The following NALCN variants were observed in gnomAD, a reference collection of about 807,000 sequenced individuals.
NALCN encodes the protein sodium leak channel NALCN.
NALCN carries 111 observed loss-of-function variants against 225.3 expected under a neutral mutation model. The ratio of observed to expected loss-of-function variants is 0.49; its 90% CI spans 0.42 to 0.58. The LOEUF is 0.58. Among genes scored for constraint, NALCN ranks in the 20% least tolerant of loss-of-function variants. The pLI is 0.00. For missense variants in NALCN, 1,378 were observed against 2,202.4 expected (o/e 0.63, Z 7.49); for synonymous variants, 764 against 769.0 (o/e 0.99, Z 0.11).
chr13:101,339,078 A>G (rs999034552), intron 7 of NALCN, among the ~76,000 whole-genome samples: 4 of 152,184 alleles, frequency 2.6e-5, no homozygotes, highest in African/African-American at 7.2e-5. Context: ...TATGTCTCAT[A>G]TGTTTATGAG....
chr13:101,237,267 G>C (rs1053278042), intron 12 of NALCN, among the ~76,000 whole-genome samples: 1 of 151,986 alleles, frequency 6.6e-6, no homozygotes, highest in Non-Finnish European at 1.5e-5. Context: ...AATACTGTAT[G>C]AGTAATTACA....
chr13:101,394,533 G>A (rs1285953444), intron 3 of NALCN, among the ~76,000 whole-genome samples: 1 of 152,124 alleles, frequency 6.6e-6, no homozygotes, highest in Non-Finnish European at 1.5e-5. Context: ...ATCTACATAT[G>A]TTTAACCTAT....
At chr13:101,367,804 T>C (rs902608138) in intron 6 of NALCN, among the ~76,000 whole-genome samples, 11 of 152,050 alleles carry the variant, frequency 7.2e-5, no homozygotes, top group African/African-American at 2.4e-4. Flanking sequence ...AATTTTATTT[T>C]AGGTTTCAGC....
chr13:101,315,224 A>C lies in NALCN; in HGVS notation c.800-22858T>G, dbSNP rs116343099. Among the ~76,000 whole-genome samples the C allele has an allele frequency of 6.7e-3, 1,013 of 152,322 alleles. 11 individuals are homozygous for C. The highest frequency in any genetic ancestry group is 0.023 in the African/African-American group (941 of 41,552). On this transcript the variant is annotated intron_variant, in intron 7 of 43. Transcript: ENST00000251127. ...CTTAGAAAGAAAAATTGTCAAAACG[A>C]TAAAATAATCATTAATTCTAGAAAG...
intron 11 of NALCN, among the ~76,000 whole-genome samples, chr13:101,238,635 A>C (rs372274086): frequency 7.2e-5 from 11 of 152,118 alleles, no homozygotes; most frequent in Admixed American, 5.2e-4. Context: ...AAGAATTTTC[A>C]TTTTGTAAAG....
rs746060855 is a variant in NALCN, at chr13:101,065,494, A to T, written c.4514T>A (p.Leu1505Gln). The T allele has an allele frequency of 1.2e-6, 2 of 1,614,148 alleles. No homozygotes were observed. Among genetic ancestry groups the T allele is most frequent in the Non-Finnish European group, 1.7e-6 (2 of 1,180,030 alleles). ...CTTAAACAGGAGCTTGTCCTTGTCCAGGTCCACCTCCAGCCTCCCACGCAG... is the reference window on the plus strand; with the variant it reads ...CTTAAACAGGAGCTTGTCCTTGTCCTGGTCCACCTCCAGCCTCCCACGCAG... Reference protein sequence around the residue: ...RLLRGRLEVDLDKDKLLFKHM... With the variant: ...RLLRGRLEVDQDKDKLLFKHM... Residue 1505 changes from leucine to glutamine, a missense_variant, in exon 40 of 44, where the codon CTG (leucine) becomes CAG (glutamine). By Grantham distance (113) the Leu-to-Gln change is moderately radical. Around this residue, in one of 19 missense-constraint regions of NALCN, gnomAD observed 94 missense variants for 170.3 expected, o/e 0.55. Transcript: ENST00000251127.
chr13:101,220,134 T>C (rs2040881147), intron 13 of NALCN, among the ~76,000 whole-genome samples: 1 of 152,354 alleles, frequency 6.6e-6, no homozygotes, highest in African/African-American at 2.4e-5. Flanking sequence ...CAAGACGGCC[T>C]GGACCCAAGT....
chr13:101,396,172 A>T (rs2047287045), intron 2 of NALCN, among the ~76,000 whole-genome samples: 1 of 152,132 alleles, frequency 6.6e-6, no homozygotes, highest in South Asian at 2.1e-4. Context: ...AAGAAGAAAG[A>T]ATTAAAGATA....
chr13:101,215,987 A>C (rs552437307), intron 13 of NALCN, among the ~76,000 whole-genome samples: 2 of 152,106 alleles, frequency 1.3e-5, no homozygotes, highest in Non-Finnish European at 2.9e-5. Context: ...ACAGCCCATC[A>C]TATTCACAAA....
chr13:101,287,523 T>C (rs1324934859), intron 9 of NALCN, among the ~76,000 whole-genome samples: 2 of 152,198 alleles, frequency 1.3e-5, no homozygotes, highest in Admixed American at 6.5e-5. Flanking sequence ...AGTGGAGACA[T>C]TAATAGTGCC....
chr13:101,111,266 G>C lies in NALCN; in HGVS notation c.2193-40C>G, dbSNP rs182630845. Reference sequence around the variant, plus strand: ...GGAGCCCAAGATAAATGCATGGTTTGTACACTTGAGATGAATAACACATAA... The same window carrying C: ...GGAGCCCAAGATAAATGCATGGTTTCTACACTTGAGATGAATAACACATAA... On this transcript the variant is annotated intron_variant, in intron 18 of 43. Transcript: ENST00000251127. The C allele has an allele frequency of 1.9e-3, 2,919 of 1,530,608 alleles. 8 individuals are homozygous for C. The highest frequency in any genetic ancestry group is 6.9e-3 in the Middle Eastern group (40 of 5,784). The allele number at this position is 1,530,608 out of a possible 1,614,324, so 94.8% of individuals were successfully genotyped here. A position where few individuals can be genotyped will look rare whatever the true frequency, so the allele number is the denominator to read the frequency against.
intron 6 of NALCN, among the ~76,000 whole-genome samples, chr13:101,354,683 A>G (rs1040643712): frequency 6.6e-6 from 1 of 152,206 alleles, no homozygotes; most frequent in African/African-American, 2.4e-5. Flanking sequence ...AATTTATGAA[A>G]CTGTATTATA....
At chr13:101,373,797 G>A (rs1363821204) in intron 6 of NALCN, among the ~76,000 whole-genome samples, 2 of 152,070 alleles carry the variant, frequency 1.3e-5, no homozygotes, top group African/African-American at 4.8e-5. Flanking sequence ...TACCTCATAA[G>A]AAATATACAA....
chr13:101,401,156 C>T (rs1181383830), intron 1 of NALCN, among the ~76,000 whole-genome samples: 1 of 152,186 alleles, frequency 6.6e-6, no homozygotes, highest in Non-Finnish European at 1.5e-5. Flanking sequence ...CTGGGTATTT[C>T]CAGGCTGTTA....
chr13:101,410,901 G>A (rs552534109), intron 1 of NALCN, among the ~76,000 whole-genome samples: 1 of 152,142 alleles, frequency 6.6e-6, no homozygotes, highest in South Asian at 2.1e-4. Context: ...CCATCACTAA[G>A]ACGTGGTAGC....
chr13:101,276,904 C>G (rs1399117842), intron 10 of NALCN, among the ~76,000 whole-genome samples: 1 of 152,080 alleles, frequency 6.6e-6, no homozygotes, highest in Non-Finnish European at 1.5e-5. Flanking sequence ...AATGTGTGAT[C>G]AGAATCACTG....
intron 7 of NALCN, among the ~76,000 whole-genome samples, chr13:101,331,465 G>T (rs117642153): frequency 6.5e-4 from 99 of 152,256 alleles, no homozygotes; most frequent in Non-Finnish European, 1.0e-3. Flanking sequence ...GTTCAGCAAA[G>T]AATTTGAGCT....
chr13:101,092,930 T>C (rs901000607), intron 28 of NALCN, among the ~76,000 whole-genome samples: 1 of 152,192 alleles, frequency 6.6e-6, no homozygotes, highest in African/African-American at 2.4e-5. Flanking sequence ...TTATTTGTAA[T>C]TTTATTTTCT....
chr13:101,182,133 C>CAAAAAAAAA, intron 14 of NALCN, among the ~76,000 whole-genome samples: 1 of 73,430 alleles, frequency 1.4e-5, no homozygotes, highest in Non-Finnish European at 2.3e-5. Context: ...GACTCCATCT[C>CAAAAAAAAA]AAAAAAAAAA....
Sources: gnomAD v4.1 joint callset for allele counts (sites outside exome capture counted in the v4.1 genomes callset) on GRCh38, gnomAD v4.1.1 for gene constraint, gnomAD v4.1.1 regional missense constraint, MANE v1.5 for transcripts, NCBI Gene and HGNC (gene_info 2026-07-23, HGNC 2026-07-21) for gene names.